The following DYSF variants were observed in gnomAD, a reference collection of about 807,000 sequenced individuals.
DYSF encodes dystrophy-associated fer-1-like 1.
DYSF carries 212 observed loss-of-function variants against 274.9 expected under a neutral mutation model. The ratio of observed to expected loss-of-function variants is 0.77; its 90% CI spans 0.69 to 0.86. The LOEUF (loss-of-function observed/expected upper bound fraction) is 0.86. Ranked by LOEUF, DYSF falls within the 40% of genes least tolerant of loss-of-function variation. The pLI is 0.00. For synonymous variants in DYSF, 1,091 were observed against 1,078.7 expected, an observed-to-expected ratio of 1.01 and a Z score of -0.22; for missense variants, 2,666 against 2,783.2, an observed-to-expected ratio of 0.96 and a Z score of 0.95.
intron 41 of DYSF, among the ~76,000 whole-genome samples, chr2:71,631,845 GCTGCACA>G (rs1316998045): frequency 1.3e-5 from 2 of 151,976 alleles, no homozygotes; most frequent in African/African-American, 4.8e-5. Flanking sequence ...CTCCTCCCTC[GCTGCACA>G]CTGCAGGGGG....
chr2:71,543,882 A>AGGGAGAGGGAGAGGGAGACCGTG, intron 17 of DYSF, among the ~76,000 whole-genome samples: 1 of 138,738 alleles, frequency 7.2e-6, no homozygotes, highest in Non-Finnish European at 1.5e-5. Context: ...CCGTGGGGAG[A>AGGGAGAGGGAGAGGGAGACCGTG]GGGAGAGGGA....
At chr2:71,458,423 A>G (rs925500132) in intron 1 of DYSF, among the ~76,000 whole-genome samples, 2 of 152,116 alleles carry the variant, frequency 1.3e-5, no homozygotes, top group African/African-American at 4.8e-5. Flanking sequence ...GCTGGACACA[A>G]CAGGCCAAGT....
chr2:71,617,934 T>C (rs1247496694), intron 40 of DYSF, among the ~76,000 whole-genome samples: 29 of 102,060 alleles, frequency 2.8e-4, no homozygotes, highest in South Asian at 1.0e-3. Flanking sequence ...GGTAGAGGTG[T>C]GTGTGTGGTA....
chr2:71,605,991 G>A lies in DYSF; in HGVS notation c.3957+3186G>A, dbSNP rs75550192. 9.6e-3 allele frequency among the ~76,000 whole-genome samples: 1,466 copies of A among 152,294 alleles called. 30 individuals are homozygous for A. Among genetic ancestry groups the A allele is most frequent in the African/African-American group, 0.033 (1,378 of 41,562 alleles). On this transcript the variant is annotated intron_variant, in intron 36 of 55. Coordinates refer to ENST00000410020, the MANE Select transcript of DYSF (RefSeq NM_001130987.2). ...CGAGGAACCAGGATGTGACTGCAGC[G>A]TCTTCTGTCCTCTGCTGGGTGAGGT...
chr2:71,465,017 G>A (rs911769211), upstream of DYSF, among the ~76,000 whole-genome samples: 4 of 152,160 alleles, frequency 2.6e-5, no homozygotes, highest in African/African-American at 9.7e-5. Context: ...AGGGAGATTG[G>A]AGACAGAAAG....
chr2:71,539,544 C>T (rs1379493258), intron 17 of DYSF, among the ~76,000 whole-genome samples: 1 of 152,158 alleles, frequency 6.6e-6, no homozygotes, highest in East Asian at 1.9e-4. Context: ...CGACTGTGCT[C>T]TAGCAGTTTC....
intron 3 of DYSF, among the ~76,000 whole-genome samples, chr2:71,483,541 A>G (rs12479294): frequency 0.09 from 13,680 of 152,164 alleles, 726 homozygotes; most frequent in Admixed American, 0.17. Flanking sequence ...CAGTCTCACG[A>G]CACGTGCGGC....
chr2:71,640,668 T>C (rs57979869), intron 41 of DYSF, among the ~76,000 whole-genome samples: 1 of 152,194 alleles, frequency 6.6e-6, no homozygotes, highest in Non-Finnish European at 1.5e-5. Flanking sequence ...CCACGCCAGA[T>C]TGACTGCTGC....
At chr2:71,466,478 G>A (rs1400891259), upstream of DYSF, among the ~76,000 whole-genome samples, 1 of 152,176 alleles carries the variant, frequency 6.6e-6, no homozygotes, top group Non-Finnish European at 1.5e-5. Flanking sequence ...CGCCTTGTGC[G>A]CTCTCGGAGG....
intron 36 of DYSF, among the ~76,000 whole-genome samples, chr2:71,609,704 T>G (rs1015161238): frequency 6.6e-6 from 1 of 152,190 alleles, no homozygotes; most frequent in Admixed American, 6.5e-5. Flanking sequence ...AGGACTAAGC[T>G]TCCAACTGCT....
intron 18 of DYSF, 68 bp downstream of exon 18, chr2:71,551,224 G>A: frequency 6.6e-7 from 1 of 1,520,764 alleles, no homozygotes; most frequent in Non-Finnish European, 9.1e-7. Context: ...GCCCAGGCCT[G>A]CATGCAGGGT....
At chr2:71,491,150 A>G (rs984931032) in intron 3 of DYSF, among the ~76,000 whole-genome samples, 2 of 152,212 alleles carry the variant, frequency 1.3e-5, no homozygotes, top group African/African-American at 4.8e-5. Context: ...TTCCTTGGCC[A>G]TTTGTAAAGT....
At chr2:71,660,124 T>G (rs1214166751) in intron 44 of DYSF, among the ~76,000 whole-genome samples, 1 of 152,162 alleles carries the variant, frequency 6.6e-6, no homozygotes. Flanking sequence ...GGCTGAGGGG[T>G]GCTGCTGCTT....
At chr2:71,679,667 G>A (rs897532933) in intron 53 of DYSF, among the ~76,000 whole-genome samples, 4 of 152,104 alleles carry the variant, frequency 2.6e-5, no homozygotes, top group African/African-American at 4.8e-5. Context: ...CGAGAGAACC[G>A]TCCTTCCCCT....
chr2:71,471,351 T>A (rs545290241), intron 1 of DYSF, among the ~76,000 whole-genome samples: 59 of 152,308 alleles, frequency 3.9e-4, no homozygotes, highest in African/African-American at 1.4e-3. Context: ...TTTCCTCAGA[T>A]GACATTTGCC....
Position 71,682,564 on chromosome 2 carries a change from C to T in DYSF, c.6208C>T (p.Pro2070Ser). ...CACCTCCTTCCTGTGGTTTACCTCC[C>T]CATACAAGACCATGAAGTTCATCCT... The part of the protein sequence containing the change: ...PDTSFLWFTS[P>S]YKTMKFILWR... The change falls in exon 55 of 56, where the codon CCA becomes TCA. Residue 2070 changes from proline to serine, a missense_variant. This residue lies in a region of DYSF where 1,460 missense variants were observed against 1,502.1 expected (regional missense o/e 0.97). Coordinates refer to ENST00000410020, the MANE Select transcript of DYSF (RefSeq NM_001130987.2). The T allele has an allele frequency of 1.9e-6, 3 of 1,614,098 alleles. No individual in the cohort carries two copies. Among genetic ancestry groups the T allele is most frequent in the Non-Finnish European group, 2.5e-6 (3 of 1,180,014 alleles).
chr2:71,652,136 G>A (rs143202052), intron 42 of DYSF, among the ~76,000 whole-genome samples: 378 of 152,244 alleles, frequency 2.5e-3, no homozygotes, highest in Admixed American at 3.6e-3. Context: ...ATGGCTTATT[G>A]ACTGTAGATT....
intron 55 of DYSF, among the ~76,000 whole-genome samples, chr2:71,683,212 CG>C (rs2095316657): frequency 6.6e-6 from 1 of 152,114 alleles, no homozygotes; most frequent in Admixed American, 6.5e-5. Context: ...GGGAAGCTGT[CG>C]GGGAGCGGGA....
At chr2:71,552,981 G>A (rs1411670295) in intron 19 of DYSF, 30 bp from the exon 20 acceptor site, 5 of 1,613,512 alleles carry the variant, frequency 3.1e-6, no homozygotes, top group South Asian at 1.1e-5. Context: ...TGCTCCTCCC[G>A]TGACCCTCTG....
Sources: allele counts gnomAD v4.1 joint callset (sites outside exome capture counted in the v4.1 genomes callset), GRCh38; gene constraint gnomAD v4.1.1; regional missense constraint gnomAD v4.1.1; transcripts MANE v1.5; gene names NCBI Gene and HGNC (gene_info 2026-07-23, HGNC 2026-07-21).